AGAP1: variants seen among roughly 807,000 people sequenced by gnomAD.
AGAP1 encodes arf-GAP with GTPase, ANK repeat and PH domain-containing protein 1.
In AGAP1, 29 loss-of-function variants were observed where a neutral mutation model predicts 105.3. The ratio of observed to expected loss-of-function variants is 0.28; its 90% confidence interval spans 0.21 to 0.38. AGAP1 has a LOEUF of 0.38. Among genes scored for constraint, AGAP1 ranks in the 10% least tolerant of loss-of-function variants. The pLI, the probability that AGAP1 is intolerant of heterozygous loss-of-function variation, is 1.00. For missense variants in AGAP1, 998 were observed against 1,165.1 expected, an observed-to-expected ratio of 0.86 and a Z score of 2.09; for synonymous variants, 509 against 485.9, an observed-to-expected ratio of 1.05 and a Z score of -0.63.
intron 1 of AGAP1, among the ~76,000 whole-genome samples, chr2:235,525,338 C>A (rs1185614766): frequency 3.7e-5 from 4 of 106,922 alleles, no homozygotes; most frequent in Non-Finnish European, 5.7e-5. Flanking sequence ...AGGACTAATA[C>A]ATAATGTGGA....
chr2:235,942,235 C>T (rs1233703911), intron 12 of AGAP1, among the ~76,000 whole-genome samples: 5 of 152,124 alleles, frequency 3.3e-5, no homozygotes, highest in East Asian at 1.9e-4. Context: ...GCAGACAACC[C>T]GCGATTCCCC....
chr2:235,946,178 C>T (rs894464828), intron 12 of AGAP1, among the ~76,000 whole-genome samples: 1 of 151,744 alleles, frequency 6.6e-6, no homozygotes, highest in African/African-American at 2.4e-5. Flanking sequence ...AAACTCAGTC[C>T]TACACAAAGC....
At chr2:235,653,412 C>T (rs1043972953) in intron 1 of AGAP1, among the ~76,000 whole-genome samples, 7 of 151,864 alleles carry the variant, frequency 4.6e-5, no homozygotes, top group African/African-American at 1.2e-4. Context: ...TGCAGTGAGC[C>T]GAGATAGCGC....
Position 235,620,692 on chromosome 2 carries a change from T to G in AGAP1, c.164-88487T>G, listed in dbSNP as rs759269681. Among the ~76,000 whole-genome samples the G allele has an allele frequency of 6.6e-6, 1 of 152,030 alleles. No individual in the cohort carries two copies. Among genetic ancestry groups the G allele is most frequent in the African/African-American group, 2.4e-5 (1 of 41,362 alleles). ...CCCTGACATGTCTGGTGTCTCTCTC[T>G]CCCCACTGGATGGAATATAAGGGCT... is the stretch of plus-strand genomic sequence containing the variant. On this transcript the variant is annotated intron_variant, in intron 1 of 17. Transcript: ENST00000304032. The surrounding 1 kb of genome is among the most constrained non-coding windows in gnomAD (Gnocchi z 4.5).
chr2:235,629,088 G>T (rs1946736368), intron 1 of AGAP1, among the ~76,000 whole-genome samples: 1 of 152,098 alleles, frequency 6.6e-6, no homozygotes, highest in Admixed American at 6.6e-5. Context: ...GGGATTATAG[G>T]TGTGAGCCAT....
In AGAP1 at chr2:235,689,580, T is replaced by TC. The variant is rs1284327958; in HGVS notation, c.164-19599_164-19598insC. 2.6e-3 allele frequency among the ~76,000 whole-genome samples: 389 copies of TC among 152,318 alleles called. 5 individuals are homozygous for TC. Among genetic ancestry groups the TC allele is most frequent in the African/African-American group, 8.7e-3 (363 of 41,568 alleles). On this transcript the variant is annotated intron_variant, in intron 1 of 17. Coordinates refer to ENST00000304032, the MANE Select transcript of AGAP1 (RefSeq NM_001037131.3). The surrounding 1 kb of genome is among the most constrained non-coding windows in gnomAD (Gnocchi z 4.2). Reference sequence around the variant, plus strand: ...AGTCTGTTTCTCAACTCCCCTCTTGTTTTCATTGTTTCAGGCAAATAATTT... The same window carrying TC: ...AGTCTGTTTCTCAACTCCCCTCTTGTCTTTCATTGTTTCAGGCAAATAATTT...
In AGAP1 at chr2:235,611,587, A is replaced by G. The variant is rs1162729993; in HGVS notation, c.164-97592A>G. Reference sequence around the variant, plus strand: ...TGCAGATTACAGACGCTGTGTAATTAGAGAATCCCTCTCCACATGTGTTCT... The same window carrying G: ...TGCAGATTACAGACGCTGTGTAATTGGAGAATCCCTCTCCACATGTGTTCT... On this transcript the variant is annotated intron_variant, in intron 1 of 17. Transcript: ENST00000304032. This position sits in a 1 kb window ranked among gnomAD's most constrained non-coding sequence, Gnocchi z 5.0. Among the ~76,000 whole-genome samples, 9 of 152,132 alleles carry G rather than the reference A, an allele frequency of 5.9e-5. No individual in the cohort carries two copies. Among genetic ancestry groups the G allele is most frequent in the Admixed American group, 5.9e-4 (9 of 15,266 alleles).
intron 1 of AGAP1, among the ~76,000 whole-genome samples, chr2:235,644,775 C>T (rs1012341924): frequency 3.3e-5 from 5 of 152,120 alleles, no homozygotes; most frequent in African/African-American, 9.7e-5. Context: ...ATTGGGAACC[C>T]CTGTTACTGA....
In AGAP1 at chr2:236,095,419, G is replaced by T. The variant is rs1362312301; in HGVS notation, c.2115-24773G>T. The stretch of plus-strand genomic sequence containing the variant: ...CTTGGCTGGGCACAGTGGCTCACGT[G>T]TGTAATCCCAGCACTTTTGGAGGCT... On this transcript the variant is annotated intron_variant, in intron 16 of 17. Coordinates refer to ENST00000304032, the MANE Select transcript of AGAP1 (RefSeq NM_001037131.3). This position sits in a 1 kb window ranked among gnomAD's most constrained non-coding sequence, Gnocchi z 4.1. 6.6e-6 allele frequency among the ~76,000 whole-genome samples: 1 copy of T among 151,788 alleles called. No individual in the cohort carries two copies. The highest frequency in any genetic ancestry group is 1.5e-5 in the Non-Finnish European group (1 of 67,940).
At chr2:235,812,195 C>T (rs950060956) in intron 9 of AGAP1, among the ~76,000 whole-genome samples, 25 of 152,094 alleles carry the variant, frequency 1.6e-4, no homozygotes, top group Admixed American at 1.1e-3. Context: ...TCATTTTGAC[C>T]TTGAACCCTG....
At position 236,061,760 on chromosome 2, in the gene AGAP1, A is replaced by G. The variant is rs2058202005; in HGVS notation, c.2114+12479A>G. Among the ~76,000 whole-genome samples, 1 of 152,060 alleles carries G rather than the reference A, an allele frequency of 6.6e-6. No homozygotes were observed. The highest frequency in any genetic ancestry group is 1.5e-5 in the Non-Finnish European group (1 of 68,018). On this transcript the variant is annotated intron_variant, in intron 16 of 17. Coordinates refer to ENST00000304032, the MANE Select transcript of AGAP1 (RefSeq NM_001037131.3). This position sits in a 1 kb window ranked among gnomAD's most constrained non-coding sequence, Gnocchi z 4.1. ...GAGTACGAAACTTCTTTTGGAGACAACGAAAATGATCTGGATTTACATAGT... is the reference window on the plus strand; with the variant it reads ...GAGTACGAAACTTCTTTTGGAGACAGCGAAAATGATCTGGATTTACATAGT...
rs13431657 is a variant in AGAP1 at position 235,934,872 on chromosome 2, T to C, written c.1483+3949T>C. 0.014 allele frequency among the ~76,000 whole-genome samples: 2,066 copies of C among 152,238 alleles called. 56 individuals carry two copies. Among genetic ancestry groups the C allele is most frequent in the African/African-American group, 0.047 (1,942 of 41,538 alleles). ...CTAAAACATAATAATCACGGCAACA[T>C]TGGGATTCACTGTTTCTCCGCCCCC... On this transcript the variant is annotated intron_variant, in intron 12 of 17. Transcript: ENST00000304032. This position sits in a 1 kb window ranked among gnomAD's most constrained non-coding sequence, Gnocchi z 4.9.
intron 16 of AGAP1, among the ~76,000 whole-genome samples, chr2:236,059,795 C>A (rs2125750445): frequency 6.6e-6 from 1 of 152,274 alleles, no homozygotes; most frequent in Non-Finnish European, 1.5e-5. Flanking sequence ...AAGTTAGACT[C>A]TTATCTAATG....
intron 1 of AGAP1, among the ~76,000 whole-genome samples, chr2:235,703,235 C>T (rs982905135): frequency 3.9e-5 from 6 of 151,948 alleles, no homozygotes; most frequent in African/African-American, 1.2e-4. Flanking sequence ...GCCCGAGCCA[C>T]GGTTTTCCAT....
chr2:235,927,127 T>G lies in AGAP1; in HGVS notation c.1325-3638T>G, dbSNP rs1270807317. ...GTGGCCCAAATTCAGTCATGCTGTTTCAGTGTAGTCCCGCAGTGGGAAGTG... is the reference window on the plus strand; with the variant it reads ...GTGGCCCAAATTCAGTCATGCTGTTGCAGTGTAGTCCCGCAGTGGGAAGTG... On this transcript the variant is annotated intron_variant, in intron 11 of 17. Coordinates refer to ENST00000304032, the MANE Select transcript of AGAP1 (RefSeq NM_001037131.3). The surrounding 1 kb of genome is among the most constrained non-coding windows in gnomAD (Gnocchi z 4.4). 6.6e-6 allele frequency among the ~76,000 whole-genome samples: 1 copy of G among 152,212 alleles called. No individual in the cohort carries two copies. Among genetic ancestry groups the G allele is most frequent in the Non-Finnish European group, 1.5e-5 (1 of 68,034 alleles).
At chr2:236,059,599 G>A (rs1212621382) in intron 16 of AGAP1, among the ~76,000 whole-genome samples, 1 of 152,202 alleles carries the variant, frequency 6.6e-6, no homozygotes, top group Non-Finnish European at 1.5e-5. Flanking sequence ...AAGCCTGTGT[G>A]ATATTGGTGT....
intron 1 of AGAP1, among the ~76,000 whole-genome samples, chr2:235,698,608 AC>A (rs1179444474): frequency 5.3e-5 from 8 of 152,128 alleles, no homozygotes; most frequent in East Asian, 1.9e-4. Context: ...TCAAAATTCT[AC>A]GTCTTATATG....
At chr2:236,102,214 G>T (rs376530041) in intron 16 of AGAP1, among the ~76,000 whole-genome samples, 1 of 151,822 alleles carries the variant, frequency 6.6e-6, no homozygotes, top group African/African-American at 2.4e-5. Flanking sequence ...TCAGGAGATC[G>T]AGACCATCCT....
rs565385758 is a variant in AGAP1, at chr2:235,615,748, G to A, written c.164-93431G>A. Reference sequence around the variant, plus strand: ...AGACAGAATCCTTTCCTCAAAAAATGAATTTTTGAGTGTTCCTATATTCTT... The same window carrying A: ...AGACAGAATCCTTTCCTCAAAAAATAAATTTTTGAGTGTTCCTATATTCTT... On this transcript the variant is annotated intron_variant, in intron 1 of 17. Transcript: ENST00000304032. This position sits in a 1 kb window ranked among gnomAD's most constrained non-coding sequence, Gnocchi z 5.0. Among the ~76,000 whole-genome samples the A allele has an allele frequency of 6.6e-6, 1 of 152,198 alleles. No homozygotes were observed. The highest frequency in any genetic ancestry group is 2.1e-4 in the South Asian group (1 of 4,814).
Sources: gnomAD v4.1 joint callset for allele counts (sites outside exome capture counted in the v4.1 genomes callset) on GRCh38, gnomAD v4.1.1 for gene constraint, Gnocchi (gnomAD v3.1) non-coding constraint, MANE v1.5 for transcripts, NCBI Gene and HGNC (gene_info 2026-07-23, HGNC 2026-07-21) for gene names.